Variants in IFT122 observed in about 807,000 individuals in gnomAD.
The protein encoded by IFT122 is intraflagellar transport 122, also known as intraflagellar transport protein 122 homolog.
IFT122 carries 118 observed loss-of-function variants against 161.6 expected under a neutral mutation model. The observed-to-expected ratio is 0.73, with a 90% CI of 0.63 to 0.85. The LOEUF (loss-of-function observed/expected upper bound fraction) is 0.85, where lower values mean the gene tolerates loss of function less well. Among genes scored for constraint, IFT122 ranks in the 40% least tolerant of loss-of-function variants. The pLI is 0.00. For missense variants in IFT122, 1,381 were observed against 1,579.6 expected, an observed-to-expected ratio of 0.87 and a Z score of 2.13; for synonymous variants, 550 against 602.4, an observed-to-expected ratio of 0.91 and a Z score of 1.27.
At position 129,446,417 on chromosome 3, in the gene IFT122, G is replaced by A. The variant is rs187267595; in HGVS notation, c.42-3454G>A. On this transcript the variant is annotated intron_variant, in intron 1 of 29. Transcript: ENST00000348417. ...TTTTTTGTAGAGACGGGGTTTCACC[G>A]TGTTAGCCAGGATGGTCTCAGTCTC... Among the ~76,000 whole-genome samples, 30 of 152,080 alleles carry A rather than the reference G, an allele frequency of 2.0e-4. No individual in the cohort carries two copies. In the East Asian group the frequency reaches 4.4e-3, roughly 23 times the overall value.
intron 4 of IFT122, among the ~76,000 whole-genome samples, chr3:129,459,672 C>T (rs1350582367): frequency 2.2e-5 from 2 of 91,378 alleles, no homozygotes; most frequent in African/African-American, 9.3e-5. Context: ...TTCCTTCCCT[C>T]CCTCCCTCCC....
intron 13 of IFT122, among the ~76,000 whole-genome samples, chr3:129,480,225 T>C (rs921431446): frequency 2.6e-5 from 4 of 152,202 alleles, no homozygotes; most frequent in African/African-American, 7.2e-5. Context: ...GAGATGTTGC[T>C]TCTGTGGATT....
chr3:129,506,496 A>G lies in IFT122; in HGVS notation c.2738A>G (p.Asp913Gly), dbSNP rs1161867265. 1.9e-6 allele frequency: 3 copies of G among 1,614,210 alleles called. No individual in the cohort carries two copies. The highest frequency in any genetic ancestry group is 1.3e-5 in the African/African-American group (1 of 75,050). ...GCCGTGGCGGAGAGCAGGTTTAATG[A>G]TGCTGCCTATTATTACTGGATGCTG... ...NNAVAESRFNDAAYYYWMLSM... is the reference protein window; with the variant it reads ...NNAVAESRFNGAAYYYWMLSM... The change falls in exon 22 of 30, where the codon GAT becomes GGT. Residue 913 changes from aspartate to glycine, a missense_variant. Asp to Gly is a moderately conservative substitution (Grantham distance 94). This residue lies in a region of IFT122 where 496 missense variants were observed against 502.5 expected (regional missense o/e 0.99). Coordinates refer to ENST00000348417, the MANE Select transcript of IFT122 (RefSeq NM_052989.3).
intron 1 of IFT122, among the ~76,000 whole-genome samples, chr3:129,448,950 T>C (rs921063963): frequency 6.6e-6 from 1 of 152,182 alleles, no homozygotes; most frequent in Non-Finnish European, 1.5e-5. Context: ...CCTCCTGCCT[T>C]GGCCTCCCAG....
intron 4 of IFT122, chr3:129,459,298 G>A (rs1265188613): frequency 2.2e-6 from 1 of 453,186 alleles, no homozygotes; most frequent in East Asian, 7.0e-5. Context: ...GTTTTGTTTT[G>A]TTTTGTTTTG....
At chr3:129,442,872 G>T (rs1177526130) in intron 1 of IFT122, among the ~76,000 whole-genome samples, 1 of 152,178 alleles carries the variant, frequency 6.6e-6, no homozygotes, top group African/African-American at 2.4e-5. Context: ...CTTTTAGGTT[G>T]AGCTGAAAAC....
At chr3:129,487,167 G>A (rs2079387592) in intron 15 of IFT122, among the ~76,000 whole-genome samples, 1 of 152,240 alleles carries the variant, frequency 6.6e-6, no homozygotes, top group Non-Finnish European at 1.5e-5. Context: ...CCCTGCCCAG[G>A]AAGCCAGGAG....
In IFT122 at chr3:129,489,564, C is replaced by A. The variant is rs145911209; in HGVS notation, c.1992+1167C>A. ...GTAAGAATTCAGAGGAGGGGCCAGGCGCGGTGGCTCACGCCTGTAAATCCT... is the reference window on the plus strand; with the variant it reads ...GTAAGAATTCAGAGGAGGGGCCAGGAGCGGTGGCTCACGCCTGTAAATCCT... On this transcript the variant is annotated intron_variant, in intron 16 of 29. Coordinates refer to ENST00000348417, the MANE Select transcript of IFT122 (RefSeq NM_052989.3). Among the ~76,000 whole-genome samples, 985 of 152,190 alleles carry A rather than the reference C, an allele frequency of 6.5e-3. 7 individuals carry two copies. The highest frequency in any genetic ancestry group is 0.022 in the African/African-American group (929 of 41,514).
At chr3:129,490,851 C>T (rs2079996092) in intron 16 of IFT122, among the ~76,000 whole-genome samples, 1 of 152,186 alleles carries the variant, frequency 6.6e-6, no homozygotes, top group Admixed American at 6.5e-5. Context: ...CCCGCATTGC[C>T]CTTTTCTACG....
chr3:129,506,261 G>T, intron 21 of IFT122, 148 bp from the exon 22 acceptor site: 1 of 861,814 alleles, frequency 1.2e-6, no homozygotes, highest in Non-Finnish European at 1.9e-6. Flanking sequence ...TTAGAGAAGC[G>T]CCATCCCAGC....
At chr3:129,467,145 C>T (rs771328041) in intron 8 of IFT122, 79 bp downstream of exon 8, 75 of 1,415,224 alleles carry the variant, frequency 5.3e-5, no homozygotes, top group Admixed American at 5.5e-5. Flanking sequence ...AGATGTTAAA[C>T]TCTTTGGCCA....
intron 6 of IFT122, 50 bp downstream of exon 6, chr3:129,463,676 G>C (rs368851496): frequency 5.2e-5 from 76 of 1,448,026 alleles, no homozygotes; most frequent in Non-Finnish European, 6.6e-5. Flanking sequence ...CTTCCACACA[G>C]ACTCTCAAAA....
intron 18 of IFT122, among the ~76,000 whole-genome samples, chr3:129,496,325 C>G (rs2080838563): frequency 6.6e-6 from 1 of 152,072 alleles, no homozygotes; most frequent in South Asian, 2.1e-4. Flanking sequence ...GAGCCCAGAG[C>G]AGTCAAGACA....
chr3:129,478,362 A>G, intron 12 of IFT122, 144 bp downstream of exon 12: 1 of 699,108 alleles, frequency 1.4e-6, no homozygotes, highest in Non-Finnish European at 2.5e-6. Flanking sequence ...ATTGGCTTTC[A>G]TTTTCCTGGC....
At chr3:129,469,450 A>G in intron 9 of IFT122, 33 bp downstream of exon 9, 1 of 1,483,694 alleles carries the variant, frequency 6.7e-7, no homozygotes, top group Non-Finnish European at 9.4e-7. Flanking sequence ...AATTGCAGTC[A>G]TGCCTGTTAT....
At chr3:129,476,197 C>A in intron 9 of IFT122, 118 bp from the exon 10 acceptor site, 1 of 1,086,796 alleles carries the variant, frequency 9.2e-7, no homozygotes, top group Non-Finnish European at 1.4e-6. Context: ...AAAGGCTGGC[C>A]AGCTCTCCCT....
intron 19 of IFT122, among the ~76,000 whole-genome samples, chr3:129,501,578 G>A (rs550116607): frequency 2.6e-5 from 4 of 152,338 alleles, no homozygotes; most frequent in Admixed American, 2.0e-4. Context: ...GATTTAGGGT[G>A]CTCTGTTCTC....
intron 11 of IFT122, among the ~76,000 whole-genome samples, chr3:129,477,263 A>G (rs961590828): frequency 6.6e-6 from 1 of 152,174 alleles, no homozygotes; most frequent in Non-Finnish European, 1.5e-5. Flanking sequence ...GGCACAGGCT[A>G]GGTCAGAAGA....
At chr3:129,474,731 C>T (rs1001786213) in intron 9 of IFT122, among the ~76,000 whole-genome samples, 3 of 151,992 alleles carry the variant, frequency 2.0e-5, no homozygotes, top group African/African-American at 7.3e-5. Context: ...GGGCTGAGCT[C>T]GGGAGTTTGA....
Sources: allele counts gnomAD v4.1 joint callset (sites outside exome capture counted in the v4.1 genomes callset), GRCh38; gene constraint gnomAD v4.1.1; regional missense constraint gnomAD v4.1.1; transcripts MANE v1.5; gene names NCBI Gene and HGNC (gene_info 2026-07-23, HGNC 2026-07-21).